ARL9: variants seen among roughly 807,000 people sequenced by gnomAD.
The protein encoded by ARL9 is ADP-ribosylation factor-like protein 9.
Under a neutral mutation model 27.0 loss-of-function variants are expected in ARL9, and 14 were observed. The ratio of observed to expected loss-of-function variants is 0.52; its 90% confidence interval spans 0.34 to 0.81. The LOEUF is 0.81. ARL9 is among the 30% of genes least tolerant of loss of function. ARL9 has a pLI of 0.01. For missense variants in ARL9, 294 were observed against 290.0 expected (o/e 1.01, Z -0.10); for synonymous variants, 106 against 108.7 (o/e 0.98, Z 0.15).
At position 56,506,138 on chromosome 4, in the gene ARL9, G is replaced by T; in HGVS notation, c.276G>T (p.Pro92=). 1 of 1,233,604 alleles carries T rather than the reference G, an allele frequency of 8.1e-7. No individual in the cohort carries two copies. The highest frequency in any genetic ancestry group is 1.0e-6 in the Non-Finnish European group (1 of 989,124). 76.4% of individuals were successfully genotyped at this position (1,233,604 alleles called of 1,614,324 possible). ...DSTLTRTPLE[P]LEKNKQILVL... ...CCTTGACAAGGACCCCGCTCGAGCC[G>T]CTGGTAAGAGACCCAGTGCCCAGGA... is the stretch of plus-strand genomic sequence containing the variant. The change falls in exon 1 of 4, where the codon CCG becomes CCT. Residue 92 remains proline, a synonymous_variant. Transcript: ENST00000640821.
Position 56,518,730 on chromosome 4 carries a change from A to T in ARL9, c.495A>T (p.Gly165=). 2 of 1,613,946 alleles carry T rather than the reference A, an allele frequency of 1.2e-6. No homozygotes were observed. The highest frequency in any genetic ancestry group is 1.7e-6 in the Non-Finnish European group (2 of 1,179,880). Residue 165 remains glycine (G), a synonymous_variant, in exon 3 of 4, where the codon GGA becomes GGT. Coordinates refer to ENST00000640821, the MANE Select transcript of ARL9 (RefSeq NM_001363794.2). The part of the protein sequence containing the change: ...RSYWEMYLSK[G]LLLIFVVDSA... The stretch of plus-strand genomic sequence containing the variant: ...ACTGGGAAATGTACCTATCCAAGGG[A>T]TTGCTGCTGATCTTTGTGGTGGATT...
intron 3 of ARL9, among the ~76,000 whole-genome samples, chr4:56,521,319 A>C (rs566472684): frequency 2.0e-5 from 3 of 152,280 alleles, no homozygotes; most frequent in African/African-American, 7.2e-5. Context: ...GGTACATGTA[A>C]GTGAGCTGTA....
intron 1 of ARL9, among the ~76,000 whole-genome samples, chr4:56,507,017 A>G (rs1721485713): frequency 6.6e-6 from 1 of 152,060 alleles, no homozygotes; most frequent in African/African-American, 2.4e-5. Flanking sequence ...GCTGATCTCA[A>G]ACTCCTGGGC....
chr4:56,524,099 TAACAC>T lies in ARL9; in HGVS notation c.*228_*232del. 2.2e-6 allele frequency: 1 copy of T among 444,876 alleles called. No individual in the cohort carries two copies. Among genetic ancestry groups the T allele is most frequent in the Non-Finnish European group, 4.0e-6 (1 of 252,668 alleles). The allele number at this position is 444,876 out of a possible 1,614,324, so 27.6% of individuals were successfully genotyped here. A position where few individuals can be genotyped will look rare whatever the true frequency, so the allele number is the denominator to read the frequency against. On this transcript the variant is annotated 3_prime_UTR_variant, in exon 4 of 4. Transcript: ENST00000640821. Reference sequence around the variant, plus strand: ...AAAAAGTAAACCCACTGAAGAATAATAACACAACAATAAAAATAATACACATTTTA... The same window carrying T: ...AAAAAGTAAACCCACTGAAGAATAATAACAATAAAAATAATACACATTTTA...
intron 1 of ARL9, chr4:56,506,765 A>C: frequency 1.4e-6 from 1 of 698,604 alleles, no homozygotes; most frequent in Non-Finnish European, 1.8e-6. Flanking sequence ...GGTTCTAAAC[A>C]ATTATGAATG....
chr4:56,507,302 A>G (rs1446012211), intron 1 of ARL9, among the ~76,000 whole-genome samples: 1 of 151,946 alleles, frequency 6.6e-6, no homozygotes, highest in Non-Finnish European at 1.5e-5. Flanking sequence ...GTGGTTGGAA[A>G]GGGAACTGAT....
At chr4:56,522,598 T>C (rs946644310) in intron 3 of ARL9, among the ~76,000 whole-genome samples, 2 of 152,214 alleles carry the variant, frequency 1.3e-5, no homozygotes, top group African/African-American at 4.8e-5. Flanking sequence ...TGGAAAACTA[T>C]AGCTGAATCT....
At chr4:56,510,374 A>G (rs1165558594) in intron 1 of ARL9, among the ~76,000 whole-genome samples, 1 of 151,586 alleles carries the variant, frequency 6.6e-6, no homozygotes, top group Admixed American at 6.6e-5. Context: ...AAAAAAAAGT[A>G]TAAGAGGGAA....
intron 2 of ARL9, among the ~76,000 whole-genome samples, chr4:56,515,345 GAAA>G (rs769505043): frequency 6.6e-6 from 1 of 151,044 alleles, no homozygotes; most frequent in Non-Finnish European, 1.5e-5. Flanking sequence ...AATATAAGCA[GAAA>G]AAAATCTGCT....
intron 1 of ARL9, among the ~76,000 whole-genome samples, chr4:56,506,902 GCCC>G (rs899730705): frequency 3.3e-5 from 5 of 149,818 alleles, no homozygotes; most frequent in African/African-American, 1.2e-4. Context: ...GCCTGGCACC[GCCC>G]CCATCTCCCA....
intron 2 of ARL9, among the ~76,000 whole-genome samples, chr4:56,512,164 T>C (rs1262416531): frequency 2.6e-5 from 4 of 152,224 alleles, no homozygotes; most frequent in African/African-American, 9.6e-5. Flanking sequence ...CCTATGCAAG[T>C]CGGAACCTCC....
In ARL9 at chr4:56,505,870, G is replaced by A. The variant is rs375726523; in HGVS notation, c.8G>A (p.Arg3Lys). ME[R>K]GKVKKKEKEK... ...GAAACCGCGGCGCTGGGGATGGAGA[G>A]GGGGAAAGTGAAGAAGAAAGAGAAG... The change falls in exon 1 of 4, where the codon AGG becomes AAG. Residue 3 changes from arginine to lysine, a missense_variant. Coordinates refer to ENST00000640821, the MANE Select transcript of ARL9 (RefSeq NM_001363794.2). 168 of 1,269,884 alleles carry A rather than the reference G, an allele frequency of 1.3e-4. No individual in the cohort carries two copies. The African/African-American group carries it at 2.3e-3, about 18-fold the overall frequency. The allele number at this position is 1,269,884 out of a possible 1,614,324, so 78.7% of individuals were successfully genotyped here. A position where few individuals can be genotyped will look rare whatever the true frequency, so the allele number is the denominator to read the frequency against.
chr4:56,512,787 C>T (rs1196731184), intron 2 of ARL9, among the ~76,000 whole-genome samples: 1 of 152,102 alleles, frequency 6.6e-6, no homozygotes, highest in Non-Finnish European at 1.5e-5. Flanking sequence ...GGTGATCCAC[C>T]CACCTTAGCC....
intron 1 of ARL9, among the ~76,000 whole-genome samples, chr4:56,510,271 C>T (rs1721598516): frequency 6.6e-6 from 1 of 150,578 alleles, no homozygotes; most frequent in Admixed American, 6.7e-5. Context: ...AGGAGAATCG[C>T]TTGAACCCAG....
chr4:56,505,228 C>A, upstream of ARL9: 1 of 328,348 alleles, frequency 3.0e-6, no homozygotes, highest in Non-Finnish European at 6.1e-6. Context: ...TTTAATAATC[C>A]TGGGTAATAG....
chr4:56,518,189 C>T (rs1228370310), intron 2 of ARL9, among the ~76,000 whole-genome samples: 1 of 152,048 alleles, frequency 6.6e-6, no homozygotes, highest in African/African-American at 2.4e-5. Flanking sequence ...TGCACCACCA[C>T]ACCGGCTCAT....
At chr4:56,508,680 C>G (rs143387607) in intron 1 of ARL9, among the ~76,000 whole-genome samples, 2 of 152,170 alleles carry the variant, frequency 1.3e-5, no homozygotes, top group Non-Finnish European at 2.9e-5. Flanking sequence ...GCCACCGCAC[C>G]GGCCTACTTT....
rs549480249 is a variant in ARL9, at chr4:56,508,451, C to G, written c.279+2310C>G. Among the ~76,000 whole-genome samples, 184 of 152,136 alleles carry G rather than the reference C, an allele frequency of 1.2e-3. 1 individual carries two copies. The highest frequency in any genetic ancestry group is 4.0e-3 in the African/African-American group (166 of 41,514). ...AGGCTGGAGTGCAATGGCGCGATCT[C>G]AGCTCATTGCAACCTCCACCTCCCA... On this transcript the variant is annotated intron_variant, in intron 1 of 3. Transcript: ENST00000640821.
At chr4:56,505,366 T>C, upstream of ARL9, 1 of 457,034 alleles carries the variant, frequency 2.2e-6, no homozygotes, top group Non-Finnish European at 4.4e-6. Flanking sequence ...CTGAGAATCC[T>C]CCCGGAACCT....
Sources: allele counts gnomAD v4.1 joint callset (sites outside exome capture counted in the v4.1 genomes callset), GRCh38; gene constraint gnomAD v4.1.1; transcripts MANE v1.5; gene names NCBI Gene and HGNC (gene_info 2026-07-23, HGNC 2026-07-21).